The following SDCCAG8 variants were observed in gnomAD, a reference collection of about 807,000 sequenced individuals.
The protein encoded by SDCCAG8 is SHH signaling and ciliogenesis regulator SDCCAG8.
SDCCAG8 carries 74 observed loss-of-function variants against 101.8 expected under a neutral mutation model. The ratio of observed to expected loss-of-function variants is 0.73; its 90% confidence interval spans 0.60 to 0.88. SDCCAG8 has a LOEUF of 0.88. Among genes scored for constraint, SDCCAG8 ranks in the 40% least tolerant of loss-of-function variants. SDCCAG8 has a pLI of 0.00. For missense variants in SDCCAG8, 787 were observed against 822.6 expected, an observed-to-expected ratio of 0.96 and a Z score of 0.53; for synonymous variants, 281 against 292.9, an observed-to-expected ratio of 0.96 and a Z score of 0.41.
At position 243,415,768 on chromosome 1, in the gene SDCCAG8, G is replaced by C; in HGVS notation, c.1683G>C (p.Gln561His). 6.2e-7 allele frequency: 1 copy of C among 1,613,832 alleles called. No individual in the cohort carries two copies. Among genetic ancestry groups the C allele is most frequent in the Non-Finnish European group, 8.5e-7 (1 of 1,179,810 alleles). ...CAAAGGCCCAAGCCCTTCAGGCCCA[G>C]CAAAGAGAGCAGGAGCTGACACAGA... The part of the protein sequence containing the change: ...KEAKAQALQA[Q>H]QREQELTQKI... Residue 561 changes from glutamine to histidine, a missense_variant, in exon 14 of 18, where the codon CAG (glutamine) becomes CAC (histidine). Transcript: ENST00000366541.
chr1:243,405,633 T>C (rs2079725636), intron 13 of SDCCAG8, among the ~76,000 whole-genome samples: 1 of 152,158 alleles, frequency 6.6e-6, no homozygotes, highest in Non-Finnish European at 1.5e-5. Flanking sequence ...TATAGTTTGC[T>C]TAAGAAAGCA....
At chr1:243,307,082 C>T (rs1171629237) in intron 7 of SDCCAG8, among the ~76,000 whole-genome samples, 1 of 144,062 alleles carries the variant, frequency 6.9e-6, no homozygotes, top group African/African-American at 2.6e-5. Context: ...TTTTGAAGTA[C>T]AAAAGAACCA....
chr1:243,262,672 C>A (rs955612798), intron 1 of SDCCAG8, among the ~76,000 whole-genome samples: 1 of 152,012 alleles, frequency 6.6e-6, no homozygotes, highest in Non-Finnish European at 1.5e-5. Flanking sequence ...AAGTTTTTTT[C>A]AAACTATTGA....
intron 16 of SDCCAG8, among the ~76,000 whole-genome samples, chr1:243,486,057 C>T (rs950635889): frequency 5.3e-5 from 8 of 151,328 alleles, no homozygotes; most frequent in Non-Finnish European, 8.8e-5. Context: ...AATTAGCCGC[C>T]GTTGTGGCAC....
intron 17 of SDCCAG8, among the ~76,000 whole-genome samples, chr1:243,495,344 A>G (rs1049585671): frequency 6.6e-6 from 1 of 152,086 alleles, no homozygotes; most frequent in Non-Finnish European, 1.5e-5. Context: ...ATACCTTTCC[A>G]TTCCTCTGGT....
chr1:243,326,715 G>A (rs890253024), intron 9 of SDCCAG8, among the ~76,000 whole-genome samples: 1 of 152,092 alleles, frequency 6.6e-6, no homozygotes, highest in Non-Finnish European at 1.5e-5. Context: ...TCAAAGGTGT[G>A]AGCTGTATAT....
intron 16 of SDCCAG8, among the ~76,000 whole-genome samples, chr1:243,477,706 G>T (rs1259908955): frequency 6.6e-6 from 1 of 152,236 alleles, no homozygotes; most frequent in Non-Finnish European, 1.5e-5. Context: ...AGCTGTGCTG[G>T]AGCTTGAAGA....
intron 13 of SDCCAG8, among the ~76,000 whole-genome samples, chr1:243,412,843 G>GT (rs35984775): frequency 0.42 from 62,882 of 150,218 alleles, 15,308 homozygotes; most frequent in East Asian, 0.78. Context: ...TTTTAAGTAG[G>GT]TTTTTTTTTT....
intron 13 of SDCCAG8, among the ~76,000 whole-genome samples, chr1:243,382,148 C>G (rs979466727): frequency 6.6e-6 from 1 of 152,168 alleles, no homozygotes; most frequent in African/African-American, 2.4e-5. Flanking sequence ...GAGCAGGGAC[C>G]AGCAGAAGAG....
intron 12 of SDCCAG8, among the ~76,000 whole-genome samples, chr1:243,360,346 G>T (rs967237240): frequency 2.6e-5 from 4 of 151,564 alleles, no homozygotes; most frequent in Non-Finnish European, 4.4e-5. Flanking sequence ...TAGAGATGGG[G>T]TTTCACCGTG....
intron 16 of SDCCAG8, among the ~76,000 whole-genome samples, chr1:243,442,059 A>C (rs950576792): frequency 3.3e-5 from 5 of 152,220 alleles, no homozygotes; most frequent in Admixed American, 6.5e-5. Flanking sequence ...GTATTTTTAC[A>C]AAATACCTCA....
At chr1:243,308,475 G>T (rs2072385244) in intron 8 of SDCCAG8, among the ~76,000 whole-genome samples, 2 of 152,200 alleles carry the variant, frequency 1.3e-5, no homozygotes. Flanking sequence ...TTACGATTCT[G>T]TCCAGTTCTA....
At chr1:243,412,483 A>G (rs1179467642) in intron 13 of SDCCAG8, among the ~76,000 whole-genome samples, 1 of 152,230 alleles carries the variant, frequency 6.6e-6, no homozygotes, top group Non-Finnish European at 1.5e-5. Flanking sequence ...AAGCAGAGTA[A>G]GCTGTCCAAC....
intron 1 of SDCCAG8, among the ~76,000 whole-genome samples, chr1:243,266,776 C>CAAAAAAAAAA (rs566670758): frequency 3.6e-5 from 4 of 110,958 alleles, no homozygotes; most frequent in East Asian, 2.7e-4. Context: ...ATTATAAATA[C>CAAAAAAAAAA]AAAAAAAAAA....
At chr1:243,461,675 T>C (rs1659134086) in intron 16 of SDCCAG8, among the ~76,000 whole-genome samples, 2 of 152,228 alleles carry the variant, frequency 1.3e-5, no homozygotes, top group Admixed American at 6.5e-5. Context: ...TTGTTACCAC[T>C]GAGGCAGTCT....
intron 13 of SDCCAG8, among the ~76,000 whole-genome samples, chr1:243,413,950 T>C (rs2080378273): frequency 1.3e-5 from 2 of 152,224 alleles, no homozygotes; most frequent in Non-Finnish European, 1.5e-5. Context: ...CACGTTAAGA[T>C]AGCAGCCTTC....
intron 16 of SDCCAG8, among the ~76,000 whole-genome samples, chr1:243,461,239 C>T (rs974684104): frequency 6.6e-6 from 1 of 152,120 alleles, no homozygotes; most frequent in Non-Finnish European, 1.5e-5. Flanking sequence ...TTGCCATTTG[C>T]GATGCACACA....
At chr1:243,355,116 A>G (rs1205532617) in intron 12 of SDCCAG8, among the ~76,000 whole-genome samples, 1 of 152,220 alleles carries the variant, frequency 6.6e-6, no homozygotes. Context: ...GGTCAAGTTA[A>G]TTTAACTCTT....
chr1:243,471,029 G>C (rs557229141), intron 16 of SDCCAG8, among the ~76,000 whole-genome samples: 1 of 152,274 alleles, frequency 6.6e-6, no homozygotes, highest in African/African-American at 2.4e-5. Flanking sequence ...ACACAAGCAT[G>C]CTCTCCCCTC....
Sources: gnomAD v4.1 joint callset for allele counts (sites outside exome capture counted in the v4.1 genomes callset) on GRCh38, gnomAD v4.1.1 for gene constraint, MANE v1.5 for transcripts, NCBI Gene and HGNC (gene_info 2026-07-23, HGNC 2026-07-21) for gene names.